Variants in SYT1 observed in about 807,000 individuals in gnomAD.
SYT1 encodes synaptotagmin-1.
Under a neutral mutation model 44.8 loss-of-function variants are expected in SYT1, and 8 were observed. The observed-to-expected ratio is 0.18, with a 90% CI of 0.10 to 0.32. The LOEUF (loss-of-function observed/expected upper bound fraction) is 0.32, where lower values mean the gene tolerates loss of function less well. Among genes scored for constraint, SYT1 ranks in the 10% least tolerant of loss-of-function variants. The pLI is 1.00. For synonymous variants in SYT1, 154 were observed against 188.8 expected (o/e 0.82, Z 1.51); for missense variants, 286 against 509.3 (o/e 0.56, Z 4.22).
intron 9 of SYT1, among the ~76,000 whole-genome samples, chr12:79,383,640 A>G (rs1186376345): frequency 6.6e-6 from 1 of 152,222 alleles, no homozygotes; most frequent in Non-Finnish European, 1.5e-5. Context: ...CAAAACACAC[A>G]GTGGAAGATC....
intron 2 of SYT1, among the ~76,000 whole-genome samples, chr12:79,029,700 T>C (rs1872727258): frequency 6.6e-6 from 1 of 151,202 alleles, no homozygotes; most frequent in African/African-American, 2.4e-5. Flanking sequence ...AGTTAAGTAA[T>C]TAATAATAGC....
At chr12:79,140,963 A>G (rs1405703817) in intron 3 of SYT1, among the ~76,000 whole-genome samples, 3 of 152,330 alleles carry the variant, frequency 2.0e-5, no homozygotes, top group East Asian at 1.9e-4. Flanking sequence ...AGTCAAAGCC[A>G]TACAGTGCCA....
intron 8 of SYT1, among the ~76,000 whole-genome samples, chr12:79,344,763 C>T (rs1171030568): frequency 6.6e-6 from 1 of 152,080 alleles, no homozygotes; most frequent in Non-Finnish European, 1.5e-5. Context: ...GGCCTACTGT[C>T]ACTTTTAAGA....
chr12:79,099,122 T>A (rs1225694144), intron 3 of SYT1, among the ~76,000 whole-genome samples: 2 of 152,142 alleles, frequency 1.3e-5, no homozygotes, highest in African/African-American at 2.4e-5. Context: ...CAAACCTATA[T>A]AAACTTTAAC....
intron 3 of SYT1, among the ~76,000 whole-genome samples, chr12:79,194,155 T>A (rs963974492): frequency 1.3e-5 from 2 of 152,142 alleles, no homozygotes; most frequent in Non-Finnish European, 2.9e-5. Context: ...TAAAATTTGG[T>A]AGGCTGATTT....
At position 79,405,331 on chromosome 12, in the gene SYT1, T is replaced by A. The variant is rs149471352; in HGVS notation, c.929-38742T>A. ...CCCCAAAATTCCAAACAGGCAGAAA[T>A]AAATATTACCTAGAGTTCTTGCAGA... On this transcript the variant is annotated intron_variant, in intron 9 of 10. Transcript: ENST00000261205. 3.1e-3 allele frequency among the ~76,000 whole-genome samples: 472 copies of A among 152,202 alleles called. 6 individuals carry two copies. Among genetic ancestry groups the A allele is most frequent in the African/African-American group, 0.011 (444 of 41,556 alleles).
chr12:78,985,846 C>T (rs1318733634), intron 2 of SYT1, among the ~76,000 whole-genome samples: 4 of 151,870 alleles, frequency 2.6e-5, no homozygotes, highest in Non-Finnish European at 4.4e-5. Flanking sequence ...CAATTTCAAA[C>T]GGTATTCATC....
At chr12:79,249,439 T>C (rs1468939197) in intron 4 of SYT1, among the ~76,000 whole-genome samples, 1 of 152,036 alleles carries the variant, frequency 6.6e-6, no homozygotes, top group East Asian at 1.9e-4. Flanking sequence ...ATCTGAAGAG[T>C]TGGAAGTGTG....
At chr12:78,993,177 A>T (rs757753787) in intron 2 of SYT1, among the ~76,000 whole-genome samples, 23 of 152,208 alleles carry the variant, frequency 1.5e-4, no homozygotes, top group Non-Finnish European at 2.5e-4. Context: ...TCAGGCCTAA[A>T]TTATCCTGAA....
intron 3 of SYT1, among the ~76,000 whole-genome samples, chr12:79,154,368 C>A (rs1207648367): frequency 2.0e-5 from 3 of 151,272 alleles, no homozygotes; most frequent in African/African-American, 4.9e-5. Context: ...TTTATTTAAT[C>A]CTGAAACAAC....
intron 1 of SYT1, among the ~76,000 whole-genome samples, chr12:78,915,136 C>T (rs1876574739): frequency 6.6e-6 from 1 of 151,996 alleles, no homozygotes. Flanking sequence ...GAAGTAGTGG[C>T]TTGAACCAGG....
chr12:79,295,675 A>G (rs1187916189), intron 6 of SYT1, among the ~76,000 whole-genome samples: 2 of 152,356 alleles, frequency 1.3e-5, no homozygotes, highest in Non-Finnish European at 2.9e-5. Flanking sequence ...TGTAATTACA[A>G]ACTTGTGATT....
chr12:79,432,247 T>C (rs201351419), intron 9 of SYT1, among the ~76,000 whole-genome samples: 1 of 152,016 alleles, frequency 6.6e-6, no homozygotes, highest in East Asian at 1.9e-4. Context: ...AGTTCTAGGG[T>C]ACATGTGCAC....
At chr12:78,931,234 A>AGGAAGGAAG (rs1491480199) in intron 1 of SYT1, among the ~76,000 whole-genome samples, 3 of 51,430 alleles carry the variant, frequency 5.8e-5, no homozygotes, top group Admixed American at 2.3e-4. Context: ...AAAGAAAGAA[A>AGGAAGGAAG]GAAAGAAGGA....
chr12:78,940,803 T>C (rs1196525504), intron 1 of SYT1, among the ~76,000 whole-genome samples: 1 of 152,154 alleles, frequency 6.6e-6, no homozygotes, highest in African/African-American at 2.4e-5. Context: ...AGGGGCATGG[T>C]TATCAAAGCA....
rs938885697 is a variant in SYT1 at position 79,274,314 on chromosome 12, T to G, written c.167-11473T>G. ...CTTGCATCCTGGGTCAGTTTTGTAT[T>G]CTGAGCATGAACTGCCTGAGATTCC... On this transcript the variant is annotated intron_variant, in intron 4 of 10. Coordinates refer to ENST00000261205, the MANE Select transcript of SYT1 (RefSeq NM_005639.3). Among the ~76,000 whole-genome samples the G allele has an allele frequency of 6.6e-5, 10 of 152,212 alleles. 1 individual carries two copies. In the South Asian group the frequency reaches 2.1e-3, roughly 32 times the overall value.
intron 1 of SYT1, among the ~76,000 whole-genome samples, chr12:78,950,060 C>T (rs751784289): frequency 6.6e-6 from 1 of 151,828 alleles, no homozygotes; most frequent in Non-Finnish European, 1.5e-5. Flanking sequence ...AAAGTAAAAG[C>T]CTCCCTGGAA....
chr12:79,442,895 A>T (rs548748743), intron 9 of SYT1, among the ~76,000 whole-genome samples: 9 of 151,646 alleles, frequency 5.9e-5, no homozygotes, highest in East Asian at 1.9e-4. Context: ...CTAGATTTAA[A>T]TTTTTTTTTC....
At chr12:79,161,477 A>T (rs1001408009) in intron 3 of SYT1, among the ~76,000 whole-genome samples, 1 of 152,144 alleles carries the variant, frequency 6.6e-6, no homozygotes, top group Non-Finnish European at 1.5e-5. Context: ...TGACAAAATC[A>T]CCTAACAATG....
Sources: allele counts gnomAD v4.1 joint callset (sites outside exome capture counted in the v4.1 genomes callset), GRCh38; gene constraint gnomAD v4.1.1; transcripts MANE v1.5; gene names NCBI Gene and HGNC (gene_info 2026-07-23, HGNC 2026-07-21).